SLC10A7: variants seen among roughly 807,000 people sequenced by gnomAD.
The protein encoded by SLC10A7 is sodium/bile acid cotransporter 7.
Under a neutral mutation model 43.2 loss-of-function variants are expected in SLC10A7, and 29 were observed. That is an observed-to-expected ratio of 0.67 (90% confidence interval 0.50 to 0.92). SLC10A7 has a LOEUF of 0.92. Among genes scored for constraint, SLC10A7 ranks in the 40% least tolerant of loss-of-function variants. SLC10A7 has a pLI of 0.00. For missense variants in SLC10A7, 295 were observed against 403.2 expected (o/e 0.73, Z 2.30); for synonymous variants, 152 against 144.8 (o/e 1.05, Z -0.35).
chr4:146,478,417 T>C (rs1734208848), intron 4 of SLC10A7: 1 of 152,218 alleles, frequency 6.6e-6, no homozygotes, highest in Non-Finnish European at 1.5e-5. Context: ...TCTGTGGTTT[T>C]ACTGTGGCAA....
chr4:146,458,661 C>T (rs900804361), intron 4 of SLC10A7, among the ~76,000 whole-genome samples: 2 of 151,790 alleles, frequency 1.3e-5, no homozygotes, highest in African/African-American at 4.8e-5. Context: ...TGGAAATCCC[C>T]ACTGCTGTAT....
At chr4:146,313,813 A>G (rs532526463) in intron 6 of SLC10A7, among the ~76,000 whole-genome samples, 30 of 152,262 alleles carry the variant, frequency 2.0e-4, no homozygotes, top group East Asian at 3.9e-4. Flanking sequence ...TATTAAGCTC[A>G]GTTCGAATCA....
intron 1 of SLC10A7, among the ~76,000 whole-genome samples, chr4:146,520,412 T>C (rs764457949): frequency 3.9e-5 from 6 of 152,218 alleles, no homozygotes; most frequent in Non-Finnish European, 5.9e-5. Context: ...CAGTTACATA[T>C]TCTACACATT....
chr4:146,515,266 G>A, intron 2 of SLC10A7: 2 of 668,692 alleles, frequency 3.0e-6, no homozygotes, highest in Non-Finnish European at 5.4e-6. Flanking sequence ...AAAGGACTTG[G>A]GTTAGAAAGC....
At chr4:146,341,370 C>G (rs1293879149) in intron 5 of SLC10A7, among the ~76,000 whole-genome samples, 1 of 151,344 alleles carries the variant, frequency 6.6e-6, no homozygotes, top group South Asian at 2.1e-4. Context: ...CAAAACCAAA[C>G]CCCCCCAAAA....
At chr4:146,380,879 T>TA (rs926831805) in intron 5 of SLC10A7, among the ~76,000 whole-genome samples, 25 of 151,862 alleles carry the variant, frequency 1.6e-4, no homozygotes, top group African/African-American at 4.3e-4. Context: ...TCCCAGAAGT[T>TA]AAAAAAAATA....
In SLC10A7 at chr4:146,479,793, T is replaced by C. The variant is rs190897321; in HGVS notation, c.396+24056A>G. 3.9e-5 allele frequency among the ~76,000 whole-genome samples: 6 copies of C among 152,320 alleles called. No homozygotes were observed. The East Asian group carries it at 1.2e-3, about 29-fold the overall frequency. On this transcript the variant is annotated intron_variant, in intron 4 of 11. Transcript: ENST00000335472. The stretch of plus-strand genomic sequence containing the variant: ...TTCAAAAAAATTGTTAGAAAAATGA[T>C]ATAAAAACCCAAAGACAATAAAAAT...
At chr4:146,318,194 C>T (rs1463859282) in intron 6 of SLC10A7, among the ~76,000 whole-genome samples, 4 of 152,042 alleles carry the variant, frequency 2.6e-5, no homozygotes, top group Non-Finnish European at 5.9e-5. Flanking sequence ...TTTCTGTACC[C>T]TTTACAGAAA....
At chr4:146,400,883 G>A (rs574175842) in intron 5 of SLC10A7, among the ~76,000 whole-genome samples, 4 of 152,180 alleles carry the variant, frequency 2.6e-5, no homozygotes, top group Non-Finnish European at 5.9e-5. Flanking sequence ...AAACAGAAGT[G>A]AGTCTGCATG....
intron 2 of SLC10A7, among the ~76,000 whole-genome samples, chr4:146,516,476 GTGTA>G (rs1453674889): frequency 7.0e-6 from 1 of 143,122 alleles, no homozygotes; most frequent in East Asian, 2.1e-4. Flanking sequence ...ATATGTATAT[GTGTA>G]TATATATACA....
chr4:146,289,565 C>T (rs1381848500), intron 9 of SLC10A7, among the ~76,000 whole-genome samples: 1 of 151,794 alleles, frequency 6.6e-6, no homozygotes, highest in African/African-American at 2.4e-5. Context: ...TGCAGTTTCC[C>T]AAAGTTGCAG....
At chr4:146,514,851 C>A in intron 2 of SLC10A7, 1 of 389,830 alleles carries the variant, frequency 2.6e-6, no homozygotes, top group Non-Finnish European at 4.6e-6. Context: ...TAATATTACA[C>A]AATGATACAA....
intron 4 of SLC10A7, among the ~76,000 whole-genome samples, chr4:146,457,879 C>T (rs1732211588): frequency 6.6e-6 from 1 of 151,804 alleles, no homozygotes; most frequent in African/African-American, 2.4e-5. Flanking sequence ...GACCAAATGG[C>T]TGCACTGGTG....
At chr4:146,273,134 A>G (rs1199549033) in intron 10 of SLC10A7, among the ~76,000 whole-genome samples, 1 of 152,224 alleles carries the variant, frequency 6.6e-6, no homozygotes, top group Non-Finnish European at 1.5e-5. Flanking sequence ...GTCATTAGGA[A>G]GCGCAGTGAC....
At chr4:146,467,485 ACACACACACACAGG>A (rs1156691582) in intron 4 of SLC10A7, among the ~76,000 whole-genome samples, 3 of 150,138 alleles carry the variant, frequency 2.0e-5, no homozygotes, top group African/African-American at 7.4e-5. Context: ...ACACACACAC[ACACACACACACAGG>A]CACACACAAA....
intron 5 of SLC10A7, among the ~76,000 whole-genome samples, chr4:146,389,539 A>G (rs1738265532): frequency 6.6e-6 from 1 of 152,220 alleles, no homozygotes; most frequent in Non-Finnish European, 1.5e-5. Context: ...TCGTTACAGC[A>G]GCCTGAACCA....
chr4:146,261,960 T>A (rs1027802538), intron 10 of SLC10A7, among the ~76,000 whole-genome samples: 2 of 152,222 alleles, frequency 1.3e-5, no homozygotes, highest in African/African-American at 2.4e-5. Context: ...AGACAATGCA[T>A]GTCTGAAAGA....
At chr4:146,304,842 C>G (rs901779184) in intron 7 of SLC10A7, among the ~76,000 whole-genome samples, 1 of 152,064 alleles carries the variant, frequency 6.6e-6, no homozygotes, top group African/African-American at 2.4e-5. Context: ...CTAATGTTGA[C>G]AGTGGGGCGT....
In SLC10A7 at chr4:146,385,825, C is replaced by A. The variant is rs754417006; in HGVS notation, c.435+56958G>T. On this transcript the variant is annotated intron_variant, in intron 5 of 11. Coordinates refer to ENST00000335472, the MANE Select transcript of SLC10A7 (RefSeq NM_001029998.6). ...GTCCGTAAGTACCCAGTGTTTAGCT[C>A]CCACTTACAAGTGAGAACATGCAGT... is the stretch of plus-strand genomic sequence containing the variant. 2.0e-3 allele frequency among the ~76,000 whole-genome samples: 303 copies of A among 152,290 alleles called. 3 individuals carry two copies. Among genetic ancestry groups the A allele is most frequent in the Non-Finnish European group, 2.4e-3 (163 of 68,018 alleles).
Sources: gnomAD v4.1 joint callset for allele counts (sites outside exome capture counted in the v4.1 genomes callset) on GRCh38, gnomAD v4.1.1 for gene constraint, MANE v1.5 for transcripts, NCBI Gene and HGNC (gene_info 2026-07-23, HGNC 2026-07-21) for gene names.